Variants in SCUBE2 observed in about 807,000 individuals in gnomAD.
SCUBE2 encodes the protein signal peptide, CUB and EGF-like domain-containing protein 2.
In SCUBE2, 114 loss-of-function variants were observed where a neutral mutation model predicts 125.9. The observed-to-expected ratio is 0.91, with a 90% CI of 0.78 to 1.06. The LOEUF is 1.06. Ranked by LOEUF, SCUBE2 falls within the 50% of genes least tolerant of loss-of-function variation. SCUBE2 has a pLI of 0.00. For synonymous variants in SCUBE2, 459 were observed against 492.9 expected (o/e 0.93, Z 0.91); for missense variants, 1,255 against 1,301.8 (o/e 0.96, Z 0.55).
chr11:9,053,259 T>A, intron 11 of SCUBE2, 44 bp from the exon 12 acceptor site: 1 of 1,533,022 alleles, frequency 6.5e-7, no homozygotes, highest in Non-Finnish European at 9.0e-7. Context: ...GAAGGACATT[T>A]CCAAGTGTGA....
rs547752163 is a variant in SCUBE2 at position 9,078,790 on chromosome 11, T to C, written c.382+594A>G. Reference sequence around the variant, plus strand: ...TAAGACTATCCAACACTCAACCCCATGCAGCTGCTAGCTGCTTCTAAGTTC... The same window carrying C: ...TAAGACTATCCAACACTCAACCCCACGCAGCTGCTAGCTGCTTCTAAGTTC... On this transcript the variant is annotated intron_variant, in intron 3 of 22. Coordinates refer to ENST00000649792, the MANE Select transcript of SCUBE2 (RefSeq NM_001367977.2). 2.7e-3 allele frequency among the ~76,000 whole-genome samples: 419 copies of C among 152,366 alleles called. 2 individuals are homozygous for C. Among genetic ancestry groups the C allele is most frequent in the African/African-American group, 9.4e-3 (390 of 41,582 alleles).
intron 9 of SCUBE2, among the ~76,000 whole-genome samples, chr11:9,058,977 T>G (rs1859389528): frequency 6.6e-6 from 1 of 152,084 alleles, no homozygotes; most frequent in South Asian, 2.1e-4. Context: ...AAAAGGAAAA[T>G]TATTCATAAT....
intron 21 of SCUBE2, 119 bp downstream of exon 21, chr11:9,025,583 C>T: frequency 1.6e-6 from 2 of 1,262,956 alleles, no homozygotes; most frequent in East Asian, 2.4e-5. Context: ...AATGTCTTTT[C>T]CCCTCATCTT....
At chr11:9,034,800 G>T (rs1856616181) in intron 16 of SCUBE2, among the ~76,000 whole-genome samples, 1 of 149,954 alleles carries the variant, frequency 6.7e-6, no homozygotes, top group Non-Finnish European at 1.5e-5. Context: ...GGCCAACATG[G>T]AGAAACCCCG....
Position 9,079,422 on chromosome 11 carries a change from T to C in SCUBE2, c.344A>G (p.Asp115Gly), listed in dbSNP as rs1214294782. 1 of 1,613,978 alleles carries C rather than the reference T, an allele frequency of 6.2e-7. No homozygotes were observed. The highest frequency in any genetic ancestry group is 1.3e-5 in the African/African-American group (1 of 74,914). The change falls in exon 3 of 23, where the codon GAT becomes GGT. Residue 115 changes from aspartate to glycine, a missense_variant. Coordinates refer to ENST00000649792, the MANE Select transcript of SCUBE2 (RefSeq NM_001367977.2). The part of the protein sequence containing the change: ...IPGNYRCTCF[D>G]GFMLAHDGHN... ...ACCGTCATGAGCCAACATGAAGCCA[T>C]CAAAACAAGTGCAACGATAATTGCC...
In SCUBE2 at chr11:9,020,098, G is replaced by C. The variant is rs982835248; in HGVS notation, c.*947C>G. On this transcript the variant is annotated 3_prime_UTR_variant, in exon 23 of 23. Transcript: ENST00000649792. Reference sequence around the variant, plus strand: ...TGGGGAAGGAAGGCATACATGACAGGCTGGGCCTCACCACACCCACCTGGA... The same window carrying C: ...TGGGGAAGGAAGGCATACATGACAGCCTGGGCCTCACCACACCCACCTGGA... 2.0e-5 allele frequency among the ~76,000 whole-genome samples: 3 copies of C among 152,146 alleles called. No individual in the cohort carries two copies. The highest frequency in any genetic ancestry group is 7.2e-5 in the African/African-American group (3 of 41,438).
intron 4 of SCUBE2, among the ~76,000 whole-genome samples, chr11:9,072,040 T>C (rs1024504161): frequency 6.6e-6 from 1 of 152,156 alleles, no homozygotes; most frequent in African/African-American, 2.4e-5. Flanking sequence ...AAAAAATCAG[T>C]ATCTTGAGCT....
intron 16 of SCUBE2, among the ~76,000 whole-genome samples, chr11:9,040,052 G>A (rs963693689): frequency 3.3e-5 from 5 of 152,154 alleles, no homozygotes; most frequent in South Asian, 2.1e-4. Flanking sequence ...GCAGCCACGC[G>A]CGTCCGCACC....
rs1193686122 is a variant in SCUBE2 at position 9,021,011 on chromosome 11, C to T, written c.*34G>A. 6.3e-7 allele frequency: 1 copy of T among 1,596,056 alleles called. No individual in the cohort carries two copies. The highest frequency in any genetic ancestry group is 8.5e-7 in the Non-Finnish European group (1 of 1,169,754). The stretch of plus-strand genomic sequence containing the variant: ...CAGCTCTGTCCCACCAACCCTATAG[C>T]AGAACATTTGTATTGAGTGGCACGT... On this transcript the variant is annotated 3_prime_UTR_variant, in exon 23 of 23. Coordinates refer to ENST00000649792, the MANE Select transcript of SCUBE2 (RefSeq NM_001367977.2).
intron 9 of SCUBE2, among the ~76,000 whole-genome samples, chr11:9,056,388 C>A (rs910835530): frequency 6.6e-6 from 1 of 152,154 alleles, no homozygotes; most frequent in African/African-American, 2.4e-5. Context: ...TTCTTATTTT[C>A]TCAGAATTAG....
intron 3 of SCUBE2, 36 bp downstream of exon 3, chr11:9,079,348 T>A (rs1376521959): frequency 6.2e-7 from 1 of 1,612,012 alleles, no homozygotes. Flanking sequence ...GGTGGGAGAG[T>A]GAAGGAGAAT....
chr11:9,053,384 T>TA (rs1858641017), intron 11 of SCUBE2, among the ~76,000 whole-genome samples, 169 bp from the exon 12 acceptor site: 2 of 152,232 alleles, frequency 1.3e-5, no homozygotes, highest in Admixed American at 6.5e-5. Flanking sequence ...GAGCCCCTGA[T>TA]ATGCCATTTC....
At chr11:9,029,753 G>A (rs1856126077) in intron 19 of SCUBE2, 131 bp downstream of exon 19, 2 of 973,004 alleles carry the variant, frequency 2.1e-6, no homozygotes, top group South Asian at 1.5e-5. Flanking sequence ...GCATGGCTGT[G>A]AGCTGGGCTC....
chr11:9,024,436 C>T (rs966877364), intron 21 of SCUBE2: 6 of 1,280,352 alleles, frequency 4.7e-6, no homozygotes, highest in South Asian at 1.2e-5. Flanking sequence ...GATGATGATC[C>T]GTGCTTTTGT....
chr11:9,061,268 G>T (rs1859656169), intron 7 of SCUBE2, among the ~76,000 whole-genome samples: 1 of 152,082 alleles, frequency 6.6e-6, no homozygotes, highest in African/African-American at 2.4e-5. Context: ...CTGGGGGTGG[G>T]GGGTGGTGGC....
intron 15 of SCUBE2, 60 bp downstream of exon 15, chr11:9,047,883 G>C (rs1313136658): frequency 2.0e-6 from 3 of 1,524,012 alleles, no homozygotes; most frequent in East Asian, 4.5e-5. Context: ...AAAGTGAAAG[G>C]CAAAGAAATA....
chr11:9,068,549 G>A (rs916837423), intron 5 of SCUBE2, among the ~76,000 whole-genome samples: 3 of 152,192 alleles, frequency 2.0e-5, no homozygotes, highest in African/African-American at 7.2e-5. Flanking sequence ...TACAGCTGAG[G>A]AAAGTGCTGT....
In SCUBE2 at chr11:9,082,090, T is replaced by C. The variant is rs117384154; in HGVS notation, c.257-2581A>G. On this transcript the variant is annotated intron_variant, in intron 2 of 22. Coordinates refer to ENST00000649792, the MANE Select transcript of SCUBE2 (RefSeq NM_001367977.2). ...TTTGCGTTTCCCTAATCATCAGAGA[T>C]GTCGAACATCTTTTCATGGGCTTAT... Among the ~76,000 whole-genome samples the C allele has an allele frequency of 5.9e-5, 9 of 152,356 alleles. No individual in the cohort carries two copies. In the East Asian group the frequency reaches 1.7e-3, roughly 29 times the overall value.
At chr11:9,073,078 C>T (rs991020973) in intron 4 of SCUBE2, among the ~76,000 whole-genome samples, 1 of 152,168 alleles carries the variant, frequency 6.6e-6, no homozygotes, top group Non-Finnish European at 1.5e-5. Flanking sequence ...CAGCCACCTG[C>T]AGAGGAAGCC....
Sources: gnomAD v4.1 joint callset for allele counts (sites outside exome capture counted in the v4.1 genomes callset) on GRCh38, gnomAD v4.1.1 for gene constraint, MANE v1.5 for transcripts, NCBI Gene and HGNC (gene_info 2026-07-23, HGNC 2026-07-21) for gene names.